The following STK32B variants were observed in gnomAD, a reference collection of about 807,000 sequenced individuals.
The protein encoded by STK32B is serine/threonine-protein kinase 32B.
STK32B carries 43 observed loss-of-function variants against 52.6 expected under a neutral mutation model. The observed-to-expected ratio is 0.82, with a 90% CI of 0.64 to 1.05. The LOEUF is 1.05. Among genes scored for constraint, STK32B ranks in the 50% least tolerant of loss-of-function variants. The probability of loss-of-function intolerance (pLI) is 0.00; values close to 1 mark genes in which losing one functional copy is unlikely to be tolerated. For missense variants in STK32B, 621 were observed against 534.6 expected, an observed-to-expected ratio of 1.16 and a Z score of -1.59; for synonymous variants, 238 against 204.3, an observed-to-expected ratio of 1.17 and a Z score of -1.41.
intron 4 of STK32B, among the ~76,000 whole-genome samples, chr4:5,338,246 C>G (rs992629350): frequency 2.6e-5 from 4 of 152,024 alleles, no homozygotes; most frequent in Admixed American, 2.0e-4. Context: ...ACAAACACAG[C>G]AAAATGAAGA....
chr4:5,472,012 A>G (rs1400985334), intron 11 of STK32B, among the ~76,000 whole-genome samples: 1 of 152,216 alleles, frequency 6.6e-6, no homozygotes, highest in African/African-American at 2.4e-5. Context: ...AGCTACAGAA[A>G]GCTCTTGGGG....
At chr4:5,043,674 C>T in the STK32B span, among the ~76,000 whole-genome samples, 2 of 152,234 alleles carry the variant, frequency 1.3e-5, no homozygotes, top group Non-Finnish European at 2.9e-5. Context: ...CCTCGGAGTG[C>T]TGTCCTCTCC....
At chr4:5,161,923 T>G (rs957989154) in intron 2 of STK32B, among the ~76,000 whole-genome samples, 1 of 152,090 alleles carries the variant, frequency 6.6e-6, no homozygotes, top group Non-Finnish European at 1.5e-5. Context: ...CTGTAGCTGT[T>G]TATTCATTCA....
intron 3 of STK32B, among the ~76,000 whole-genome samples, chr4:5,173,305 C>G (rs931110366): frequency 2.0e-5 from 3 of 152,146 alleles, no homozygotes; most frequent in African/African-American, 7.2e-5. Context: ...CTATTTCCTT[C>G]AGTTCTGCTC....
At chr4:5,127,239 C>T in intron 1 of STK32B, 2 of 450,350 alleles carry the variant, frequency 4.4e-6, no homozygotes, top group Non-Finnish European at 8.9e-6. Context: ...TTTAAATGTC[C>T]TCGTTGTGTG....
At position 5,057,695 on chromosome 4, in the gene STK32B, G is replaced by T. The variant is rs181800106; in HGVS notation, c.52+5780G>T. Among the ~76,000 whole-genome samples, 58 of 152,216 alleles carry T rather than the reference G, an allele frequency of 3.8e-4. 1 individual carries two copies. The highest frequency in any genetic ancestry group is 1.3e-3 in the African/African-American group (55 of 41,538). On this transcript the variant is annotated intron_variant, in intron 1 of 11. Transcript: ENST00000282908. ...AGATAAAGGATCAGTATTTTAGCAGGATCAAACAGCATAATCTGGTGCTAA... is the reference window on the plus strand; with the variant it reads ...AGATAAAGGATCAGTATTTTAGCAGTATCAAACAGCATAATCTGGTGCTAA...
chr4:5,211,362 A>G (rs934311555), intron 3 of STK32B, among the ~76,000 whole-genome samples: 1 of 152,194 alleles, frequency 6.6e-6, no homozygotes, highest in African/African-American at 2.4e-5. Flanking sequence ...AGAAATAGGG[A>G]AAGAGTGGGA....
chr4:5,423,934 C>T (rs1353565772), intron 6 of STK32B, among the ~76,000 whole-genome samples: 1 of 152,100 alleles, frequency 6.6e-6, no homozygotes, highest in Non-Finnish European at 1.5e-5. Flanking sequence ...TTCCTGCCCT[C>T]CTGGGTGCAG....
chr4:5,375,010 T>C lies in STK32B; in HGVS notation c.435-23197T>C, dbSNP rs532771358. ...TAATTAGAAGGATTGAGTAGGAATT[T>C]CTAGAGAAGAACCTTCTCCTCCCAT... On this transcript the variant is annotated intron_variant, in intron 4 of 11. Coordinates refer to ENST00000282908, the MANE Select transcript of STK32B (RefSeq NM_018401.3). 1.4e-4 allele frequency among the ~76,000 whole-genome samples: 22 copies of C among 152,264 alleles called. No individual in the cohort carries two copies. The East Asian group carries it at 4.3e-3, about 29-fold the overall frequency.
intron 3 of STK32B, among the ~76,000 whole-genome samples, chr4:5,181,553 C>T (rs909645284): frequency 7.9e-5 from 12 of 152,128 alleles, no homozygotes; most frequent in Admixed American, 1.3e-4. Context: ...AGGCATACGT[C>T]GGAAATATTG....
intron 1 of STK32B, among the ~76,000 whole-genome samples, chr4:5,059,469 T>C (rs979268670): frequency 2.6e-5 from 4 of 152,198 alleles, no homozygotes; most frequent in Non-Finnish European, 2.9e-5. Flanking sequence ...TGAGATGATA[T>C]GTGACTTTTC....
chr4:5,127,172 G>A (rs189931684), intron 1 of STK32B: 86 of 486,390 alleles, frequency 1.8e-4, no homozygotes, highest in Middle Eastern at 1.3e-3. Flanking sequence ...TTATCTTTCC[G>A]TTAAACATAA....
At chr4:5,319,578 C>T (rs547125429) in intron 3 of STK32B, among the ~76,000 whole-genome samples, 1 of 152,216 alleles carries the variant, frequency 6.6e-6, no homozygotes, top group South Asian at 2.1e-4. Flanking sequence ...CGCACCCAGG[C>T]ATACAGAGCT....
chr4:5,365,838 G>C (rs1192739571), intron 4 of STK32B, among the ~76,000 whole-genome samples: 1 of 152,180 alleles, frequency 6.6e-6, no homozygotes, highest in Non-Finnish European at 1.5e-5. Context: ...GCATGTGTTT[G>C]CATGTCACAA....
chr4:5,188,587 T>C (rs965409882), intron 3 of STK32B, among the ~76,000 whole-genome samples: 2 of 152,324 alleles, frequency 1.3e-5, no homozygotes, highest in Non-Finnish European at 2.9e-5. Context: ...ATTTCAGGTC[T>C]TTCTCGGACC....
At chr4:5,405,799 C>A (rs1026604718) in intron 5 of STK32B, among the ~76,000 whole-genome samples, 4 of 152,124 alleles carry the variant, frequency 2.6e-5, no homozygotes, top group African/African-American at 9.7e-5. Context: ...CCACCAGGCC[C>A]CTCTTCCAAC....
chr4:5,331,911 C>G (rs1732277048), intron 4 of STK32B, among the ~76,000 whole-genome samples: 1 of 152,124 alleles, frequency 6.6e-6, no homozygotes, highest in African/African-American at 2.4e-5. Context: ...AGTGCCATGT[C>G]CTACACAGGT....
At chr4:5,117,791 C>T (rs549469659) in intron 1 of STK32B, among the ~76,000 whole-genome samples, 66 of 151,810 alleles carry the variant, frequency 4.3e-4, no homozygotes, top group African/African-American at 1.4e-3. Context: ...TTTCATGTTT[C>T]TTTTCTTCTG....
chr4:5,325,329 G>GT (rs11327335), intron 3 of STK32B, among the ~76,000 whole-genome samples: 49 of 149,726 alleles, frequency 3.3e-4, no homozygotes, highest in South Asian at 2.5e-3. Flanking sequence ...CTAAACAATT[G>GT]TTTTTTTTTT....
Sources: allele counts gnomAD v4.1 joint callset (sites outside exome capture counted in the v4.1 genomes callset), GRCh38; gene constraint gnomAD v4.1.1; transcripts MANE v1.5; gene names NCBI Gene and HGNC (gene_info 2026-07-23, HGNC 2026-07-21).